The following YTHDC2 variants were observed in gnomAD, a reference collection of about 807,000 sequenced individuals.
YTHDC2 encodes YTH N6-methyladenosine RNA binding protein C2.
A neutral mutation model predicts 174.9 loss-of-function variants in YTHDC2; 45 were observed. That is an observed-to-expected ratio of 0.26 (90% confidence interval 0.20 to 0.33). YTHDC2 has a LOEUF of 0.33. YTHDC2 is among the 10% of genes least tolerant of loss of function. The pLI is 1.00. For synonymous variants in YTHDC2, 657 were observed against 574.5 expected, an observed-to-expected ratio of 1.14 and a Z score of -2.05; for missense variants, 1,650 against 1,723.7, an observed-to-expected ratio of 0.96 and a Z score of 0.76.
At chr5:113,550,428 AAGGAGGTATAATCATAGTATATTATT>A (rs1263772248) in intron 12 of YTHDC2, among the ~76,000 whole-genome samples, 1 of 152,140 alleles carries the variant, frequency 6.6e-6, no homozygotes, top group Non-Finnish European at 1.5e-5. Flanking sequence ...TTACACAAGA[AAGGAGGTATAATCATAGTATATTATT>A]AGGCTAAGCA....
At chr5:113,544,601 C>T (rs980349009) in intron 10 of YTHDC2, among the ~76,000 whole-genome samples, 16 of 152,092 alleles carry the variant, frequency 1.1e-4, no homozygotes, top group Admixed American at 4.6e-4. Flanking sequence ...TACATAGCAT[C>T]TCCCTTTTTC....
Position 113,534,425 on chromosome 5 carries a change from T to G in YTHDC2, c.945+18T>G, listed in dbSNP as rs1331224436. On this transcript the variant is annotated intron_variant, in intron 6 of 29. Coordinates refer to ENST00000161863, the MANE Select transcript of YTHDC2 (RefSeq NM_022828.5). ...TTATCGTGGTAAGAATATTGCTGAA[T>G]TTGTCATATGTAACTCAGATTGCTT... 3 of 1,601,930 alleles carry G rather than the reference T, an allele frequency of 1.9e-6. No individual in the cohort carries two copies. The South Asian group carries it at 3.3e-5, about 18-fold the overall frequency.
chr5:113,580,742 ATCC>A (rs1278502552), intron 24 of YTHDC2, among the ~76,000 whole-genome samples: 1 of 152,000 alleles, frequency 6.6e-6, no homozygotes, highest in Non-Finnish European at 1.5e-5. Flanking sequence ...TATTGTCCAT[ATCC>A]TCCTTTTTGT....
chr5:113,594,648 A>T lies in YTHDC2; in HGVS notation c.*1174A>T, dbSNP rs1779169824. ...TTCCTTAGAGACTTTTTGAAGGGAAAATAGAGCAACAGGGAAAAATGAAAG... is the reference window on the plus strand; with the variant it reads ...TTCCTTAGAGACTTTTTGAAGGGAATATAGAGCAACAGGGAAAAATGAAAG... On this transcript the variant is annotated 3_prime_UTR_variant, in exon 30 of 30. Transcript: ENST00000161863. 6.6e-6 allele frequency: 1 copy of T among 152,148 alleles called. No homozygotes were observed. Among genetic ancestry groups the T allele is most frequent in the African/African-American group, 2.4e-5 (1 of 41,436 alleles). 9.4% of individuals were successfully genotyped at this position (152,148 alleles called of 1,614,324 possible).
At position 113,541,074 on chromosome 5, in the gene YTHDC2, T is replaced by C. The variant is rs1436341910; in HGVS notation, c.1317T>C (p.Tyr439=). The C allele has an allele frequency of 1.2e-6, 2 of 1,614,086 alleles. No homozygotes were observed. The highest frequency in any genetic ancestry group is 4.5e-5 in the East Asian group (2 of 44,900). ...CTGTTCTAAATGTGACTGATGAGTA[T>C]GACTTACTGGATGATGGTGGTGATG... The part of the protein sequence containing the change: ...QRTVLNVTDE[Y]DLLDDGGDAV... Residue 439 remains tyrosine (Y), a synonymous_variant, in exon 9 of 30, where the codon TAT becomes TAC. Transcript: ENST00000161863.
chr5:113,538,488 C>A (rs571369931), intron 7 of YTHDC2, among the ~76,000 whole-genome samples: 5 of 152,148 alleles, frequency 3.3e-5, no homozygotes, highest in Non-Finnish European at 7.4e-5. Flanking sequence ...TTCCTTGAAA[C>A]ACCTTTAGGT....
intron 21 of YTHDC2, among the ~76,000 whole-genome samples, 200 bp from the exon 22 acceptor site, chr5:113,566,892 C>T (rs1411462338): frequency 6.6e-6 from 1 of 152,060 alleles, no homozygotes; most frequent in Non-Finnish European, 1.5e-5. Flanking sequence ...TCTACACTTC[C>T]CTAGAATGTT....
intron 4 of YTHDC2, among the ~76,000 whole-genome samples, chr5:113,532,128 G>A (rs542831904): frequency 3.3e-5 from 5 of 152,308 alleles, no homozygotes; most frequent in Non-Finnish European, 7.4e-5. Context: ...GCATATCCAT[G>A]AGATGGAATA....
At chr5:113,556,324 T>G (rs1776607476) in intron 17 of YTHDC2, 190 bp downstream of exon 17, 1 of 394,670 alleles carries the variant, frequency 2.5e-6, no homozygotes, top group Admixed American at 4.3e-5. Flanking sequence ...ATGTTAAAAT[T>G]AAAAACTTTT....
At chr5:113,562,642 C>T (rs750468072) in intron 18 of YTHDC2, among the ~76,000 whole-genome samples, 12 of 152,060 alleles carry the variant, frequency 7.9e-5, no homozygotes, top group Non-Finnish European at 4.4e-5. Context: ...GTCTTTTTTC[C>T]TTCTGCCTTA....
chr5:113,526,930 A>G, intron 4 of YTHDC2, 145 bp downstream of exon 4: 1 of 206,116 alleles, frequency 4.9e-6, no homozygotes, highest in Non-Finnish European at 9.6e-6. Flanking sequence ...TTATTATAGT[A>G]ATGGTTATTT....
intron 9 of YTHDC2, among the ~76,000 whole-genome samples, chr5:113,541,692 A>G (rs1384422873): frequency 6.6e-6 from 1 of 152,154 alleles, no homozygotes; most frequent in Non-Finnish European, 1.5e-5. Context: ...TGAACTGTAC[A>G]TGAGTTTTTA....
At chr5:113,536,202 TTAAAAAAATGA>T (rs1775058917) in intron 7 of YTHDC2, among the ~76,000 whole-genome samples, 2 of 152,270 alleles carry the variant, frequency 1.3e-5, no homozygotes, top group Admixed American at 1.3e-4. Flanking sequence ...CCACCAGTCT[TTAAAAAAATGA>T]TAAATTCCTC....
At chr5:113,549,745 G>A (rs1456441790) in intron 12 of YTHDC2, among the ~76,000 whole-genome samples, 1 of 151,674 alleles carries the variant, frequency 6.6e-6, no homozygotes, top group Non-Finnish European at 1.5e-5. Flanking sequence ...TTTTTCTCCA[G>A]AAGCCCTACC....
intron 23 of YTHDC2, among the ~76,000 whole-genome samples, chr5:113,575,287 C>A (rs1439796598): frequency 1.3e-5 from 2 of 152,146 alleles, no homozygotes; most frequent in African/African-American, 4.8e-5. Flanking sequence ...ATATTTAGTA[C>A]CTACTATATG....
At chr5:113,573,930 G>C (rs1327465020) in intron 23 of YTHDC2, among the ~76,000 whole-genome samples, 1 of 152,130 alleles carries the variant, frequency 6.6e-6, no homozygotes, top group African/African-American at 2.4e-5. Flanking sequence ...AGCGAAGTTT[G>C]TTATTACCCA....
intron 2 of YTHDC2, among the ~76,000 whole-genome samples, chr5:113,518,013 C>G (rs1773589191): frequency 6.6e-6 from 1 of 151,770 alleles, no homozygotes; most frequent in Non-Finnish European, 1.5e-5. Context: ...CTCAGCCTCC[C>G]AAGTAGCTAG....
At chr5:113,565,796 C>T (rs943151027) in intron 20 of YTHDC2, 97 bp from the exon 21 acceptor site, 2 of 1,279,810 alleles carry the variant, frequency 1.6e-6, no homozygotes, top group East Asian at 2.6e-5. Flanking sequence ...GGCAAATTCA[C>T]GTCGAGGAAT....
intron 23 of YTHDC2, among the ~76,000 whole-genome samples, chr5:113,579,185 G>T (rs1407787621): frequency 6.6e-6 from 1 of 151,858 alleles, no homozygotes; most frequent in East Asian, 1.9e-4. Context: ...ATATTTAGCT[G>T]TATACTTTTT....
Sources: gnomAD v4.1 joint callset for allele counts (sites outside exome capture counted in the v4.1 genomes callset) on GRCh38, gnomAD v4.1.1 for gene constraint, MANE v1.5 for transcripts, NCBI Gene and HGNC (gene_info 2026-07-23, HGNC 2026-07-21) for gene names.